GCDH: variants seen among roughly 807,000 people sequenced by gnomAD.
The protein encoded by GCDH is glutaryl-CoA dehydrogenase, mitochondrial.
Under a neutral mutation model 52.8 loss-of-function variants are expected in GCDH, and 31 were observed. That is an observed-to-expected ratio of 0.59 (90% CI 0.44 to 0.79). GCDH has a LOEUF of 0.79. Ranked by LOEUF, GCDH falls within the 30% of genes least tolerant of loss-of-function variation. The probability of loss-of-function intolerance (pLI) is 0.00; values close to 1 mark genes in which losing one functional copy is unlikely to be tolerated. For missense variants in GCDH, 509 were observed against 595.0 expected, an observed-to-expected ratio of 0.86 and a Z score of 1.50; for synonymous variants, 242 against 250.0, an observed-to-expected ratio of 0.97 and a Z score of 0.30.
At position 12,891,407 on chromosome 19, in the gene GCDH, G is replaced by T. The variant is rs1448543265; in HGVS notation, c.91+12G>T. 1 of 1,614,198 alleles carries T rather than the reference G, an allele frequency of 6.2e-7. No individual in the cohort carries two copies. Among genetic ancestry groups the T allele is most frequent in the African/African-American group, 1.3e-5 (1 of 75,076 alleles). ...GGCGGCGCAGACCGGTCAGTGTGGG[G>T]TCGGGAGTGTGGAGGGAAGGAGGGA... On this transcript the variant is annotated intron_variant, in intron 2 of 11. Transcript: ENST00000222214.
rs869025298 is a variant in GCDH, at chr19:12,899,873, C to T, written c.*332C>T. 3.3e-5 allele frequency: 52 copies of T among 1,590,638 alleles called. No individual in the cohort carries two copies. The highest frequency in any genetic ancestry group is 4.5e-5 in the Non-Finnish European group (52 of 1,162,220). On this transcript the variant is annotated 3_prime_UTR_variant, in exon 12 of 12. Transcript: ENST00000222214. ...GCAGCTGACCCCCTCACACTGAGTT[C>T]ACAGTGCGCCCTCCCTCCCTCCCAT...
rs1970684589 is a variant in GCDH, at chr19:12,896,483, A to G, written c.852+62A>G. On this transcript the variant is annotated intron_variant, in intron 8 of 11. Transcript: ENST00000222214. The surrounding 1 kb of genome is among the most constrained non-coding windows in gnomAD (Gnocchi z 5.5). Reference sequence around the variant, plus strand: ...ACCTGCGGATGCGGCTTTGTCAGGCAGGCTCCGTGCTGGGGACGCGGCTCC... The same window carrying G: ...ACCTGCGGATGCGGCTTTGTCAGGCGGGCTCCGTGCTGGGGACGCGGCTCC... The G allele has an allele frequency of 3.6e-5, 46 of 1,288,142 alleles. No individual in the cohort carries two copies. The South Asian group carries it at 5.7e-4, about 16-fold the overall frequency. The allele number at this position is 1,288,142 out of a possible 1,614,324, so 79.8% of individuals were successfully genotyped here. A position where few individuals can be genotyped will look rare whatever the true frequency, so the allele number is the denominator to read the frequency against.
At chr19:12,893,976 A>C in intron 6 of GCDH, 4 of 580,110 alleles carry the variant, frequency 6.9e-6, no homozygotes, top group Middle Eastern at 4.4e-4. Flanking sequence ...TGAAGTGAGA[A>C]GATCCCTTGA....
At chr19:12,895,920 A>G (rs1021358904) in intron 6 of GCDH, 72 bp from the exon 7 acceptor site, 2 of 1,592,010 alleles carry the variant, frequency 1.3e-6, no homozygotes, top group Admixed American at 3.3e-5. Flanking sequence ...GCACCCCGCC[A>G]CGAGGATAAT....
intron 4 of GCDH, 28 bp from the exon 5 acceptor site, chr19:12,892,088 C>T (rs371965908): frequency 1.1e-5 from 18 of 1,613,806 alleles, no homozygotes; most frequent in Non-Finnish European, 3.4e-6. Context: ...AGGCCTGGGC[C>T]TGAATTTGGG....
Position 12,893,545 on chromosome 19 carries a change from G to T in GCDH, c.397G>T (p.Val133Leu), listed in dbSNP as rs746388510. 7 of 1,613,952 alleles carry T rather than the reference G, an allele frequency of 4.3e-6. No homozygotes were observed. In the African/African-American group the frequency reaches 9.3e-5, roughly 22 times the overall value. ...GCTCCTGGCCCGAGAGCTGGAGCGG[G>T]TGGACAGTGGCTACAGGTCGGCGAT... ...YGLLARELER[V>L]DSGYRSAMSV... is the part of the protein sequence containing the mutation. Residue 133 changes from valine (V) to leucine (L), a missense_variant, in exon 6 of 12, where the codon GTG (valine) becomes TTG (leucine). Transcript: ENST00000222214.
At chr19:12,897,584 C>A in intron 10 of GCDH, 119 bp from the exon 11 acceptor site, 1 of 1,436,130 alleles carries the variant, frequency 7.0e-7, no homozygotes, top group Non-Finnish European at 9.8e-7. Flanking sequence ...AGGACAGCCC[C>A]ACTGGTCCCT....
At chr19:12,895,946 T>A in intron 6 of GCDH, 46 bp from the exon 7 acceptor site, 1 of 1,611,792 alleles carries the variant, frequency 6.2e-7, no homozygotes, top group East Asian at 2.2e-5. Flanking sequence ...AGTAAGGGGA[T>A]GTATCAGGGA....
intron 3 of GCDH, 44 bp downstream of exon 3, chr19:12,891,566 G>T: frequency 1.2e-6 from 2 of 1,614,078 alleles, no homozygotes; most frequent in South Asian, 2.2e-5. Context: ...CCCCTGTTCA[G>T]CTGTCTGTCT....
At position 12,892,304 on chromosome 19, in the gene GCDH, TC is replaced by T. The variant is rs200795262; in HGVS notation, c.334+133del. The T allele has an allele frequency of 2.8e-5, 25 of 890,258 alleles. No homozygotes were observed. The South Asian group carries it at 3.3e-4, about 12-fold the overall frequency. The allele number at this position is 890,258 out of a possible 1,614,324, so 55.1% of individuals were successfully genotyped here. A position where few individuals can be genotyped will look rare whatever the true frequency, so the allele number is the denominator to read the frequency against. Reference sequence around the variant, plus strand: ...CTTTTCCTTTTCTTTCCTTTCTTCTTCCCCCCCAACAGAGTCTGGCTCTGTT... The same window carrying T: ...CTTTTCCTTTTCTTTCCTTTCTTCTTCCCCCCAACAGAGTCTGGCTCTGTT... On this transcript the variant is annotated intron_variant, in intron 5 of 11. Transcript: ENST00000222214.
rs116431183 is a variant in GCDH, at chr19:12,898,166, G to A, written c.1243+303G>A. The A allele has an allele frequency of 4.0e-3, 1,754 of 437,922 alleles. 27 individuals carry two copies. Among genetic ancestry groups the A allele is most frequent in the African/African-American group, 0.031 (1,537 of 49,902 alleles). 27.1% of individuals were successfully genotyped at this position (437,922 alleles called of 1,614,324 possible). ...AGGTAAGCTCCGAAGGCAGCCCAGG[G>A]GTGAGGCCCGACTCCTAGCAGGCTG... is the stretch of plus-strand genomic sequence containing the variant. On this transcript the variant is annotated intron_variant, in intron 11 of 11. Transcript: ENST00000222214.
At chr19:12,894,624 A>C (rs1970632562) in intron 6 of GCDH, 2 of 705,796 alleles carry the variant, frequency 2.8e-6, no homozygotes, top group Non-Finnish European at 4.9e-6. Context: ...CCCTTAAACA[A>C]AGAAGGTAAG....
Position 12,891,862 on chromosome 19 carries a change from G to A in GCDH, c.159G>A (p.Pro53=), listed in dbSNP as rs1315058754. 6.2e-7 allele frequency: 1 copy of A among 1,613,954 alleles called. No homozygotes were observed. The highest frequency in any genetic ancestry group is 1.7e-5 in the Admixed American group (1 of 60,018). The change falls in exon 4 of 12, where the codon CCG becomes CCA. Residue 53 remains proline (P), a synonymous_variant. Coordinates refer to ENST00000222214, the MANE Select transcript of GCDH (RefSeq NM_000159.4). ...GTCCCGAGTTTGACTGGCAGGACCCGCTGGTGCTGGAGGAGCAGCTGACCA... is the reference window on the plus strand; with the variant it reads ...GTCCCGAGTTTGACTGGCAGGACCCACTGGTGCTGGAGGAGCAGCTGACCA... ...SSRPEFDWQD[P]LVLEEQLTTD...
chr19:12,897,442 G>T lies in GCDH; in HGVS notation c.1082+14G>T. ...GGACCAGGACAAGTAGGGGCTGTGTGGTGGGGGCGGGGGGATGGCAGCGGT... is the reference window on the plus strand; with the variant it reads ...GGACCAGGACAAGTAGGGGCTGTGTTGTGGGGGCGGGGGGATGGCAGCGGT... On this transcript the variant is annotated intron_variant, in intron 10 of 11. Coordinates refer to ENST00000222214, the MANE Select transcript of GCDH (RefSeq NM_000159.4). 3 of 1,612,760 alleles carry T rather than the reference G, an allele frequency of 1.9e-6. No homozygotes were observed. Among genetic ancestry groups the T allele is most frequent in the Non-Finnish European group, 2.5e-6 (3 of 1,179,460 alleles).
chr19:12,893,852 G>C (rs749465454), intron 6 of GCDH, 199 bp downstream of exon 6: 2 of 654,310 alleles, frequency 3.1e-6, no homozygotes, highest in Admixed American at 2.2e-5. Flanking sequence ...TGTGACCACC[G>C]TCATCTCCCT....
chr19:12,898,449 CAG>C (rs898226453), intron 11 of GCDH: 2 of 158,202 alleles, frequency 1.3e-5, no homozygotes, highest in African/African-American at 4.8e-5. Flanking sequence ...TGCTTCCAGA[CAG>C]AGAGAACAGC....
intron 9 of GCDH, 106 bp from the exon 10 acceptor site, chr19:12,897,197 G>C (rs1970702028): frequency 1.4e-6 from 2 of 1,435,572 alleles, no homozygotes; most frequent in Admixed American, 3.7e-5. Flanking sequence ...AAGCTTGGGG[G>C]CACTGAGGCA....
Position 12,896,832 on chromosome 19 carries a change from C to A in GCDH, c.853-78C>A. On this transcript the variant is annotated intron_variant, in intron 8 of 11. Transcript: ENST00000222214. This position sits in a 1 kb window ranked among gnomAD's most constrained non-coding sequence, Gnocchi z 5.5. ...GTGGGGTGGCTGGGGAGGAGGCTTT[C>A]CCTGCTTCAGAGTTGGTTCTGCATA... is the stretch of plus-strand genomic sequence containing the variant. 4 of 1,010,452 alleles carry A rather than the reference C, an allele frequency of 4.0e-6. No individual in the cohort carries two copies. Among genetic ancestry groups the A allele is most frequent in the Non-Finnish European group, 6.2e-6 (4 of 642,222 alleles). The allele number at this position is 1,010,452 out of a possible 1,614,324, so 62.6% of individuals were successfully genotyped here.
rs1970792542 is a variant in GCDH, at chr19:12,899,775, G to C, written c.*234G>C. On this transcript the variant is annotated 3_prime_UTR_variant, in exon 12 of 12. Coordinates refer to ENST00000222214, the MANE Select transcript of GCDH (RefSeq NM_000159.4). Reference sequence around the variant, plus strand: ...TCAATCCACTTTTAACCATGGATGAGAGCAGACTCCATTTACCCTGAAATA... The same window carrying C: ...TCAATCCACTTTTAACCATGGATGACAGCAGACTCCATTTACCCTGAAATA... 1.9e-6 allele frequency: 3 copies of C among 1,604,616 alleles called. No homozygotes were observed. The highest frequency in any genetic ancestry group is 1.1e-5 in the South Asian group (1 of 90,046).
Sources: gnomAD v4.1 joint callset for allele counts on GRCh38, gnomAD v4.1.1 for gene constraint, Gnocchi (gnomAD v3.1) non-coding constraint, MANE v1.5 for transcripts, NCBI Gene and HGNC (gene_info 2026-07-23, HGNC 2026-07-21) for gene names.